The following NFKB1 variants were observed in gnomAD, a reference collection of about 807,000 sequenced individuals.
NFKB1 encodes the protein nuclear factor kappa B subunit 1.
NFKB1 carries 9 observed loss-of-function variants against 105.1 expected under a neutral mutation model. The ratio of observed to expected loss-of-function variants is 0.09; its 90% CI spans 0.05 to 0.15. NFKB1 has a LOEUF of 0.15. Among genes scored for constraint, NFKB1 ranks in the 10% least tolerant of loss-of-function variants. NFKB1 has a pLI of 1.00. For missense variants in NFKB1, 830 were observed against 1,203.7 expected (o/e 0.69, Z 4.59); for synonymous variants, 440 against 442.2 (o/e 1.00, Z 0.06).
chr4:102,594,606 A>G (rs138351077), intron 12 of NFKB1, among the ~76,000 whole-genome samples: 3 of 152,258 alleles, frequency 2.0e-5, no homozygotes, highest in Admixed American at 6.5e-5. Flanking sequence ...GACCCTCACT[A>G]TTAGCCTCTC....
At chr4:102,570,052 T>G (rs915012454) in intron 6 of NFKB1, among the ~76,000 whole-genome samples, 8 of 152,182 alleles carry the variant, frequency 5.3e-5, no homozygotes, top group Admixed American at 1.3e-4. Flanking sequence ...ATGGAAAATA[T>G]CTGTGTTCCT....
In NFKB1 at chr4:102,578,869, G is replaced by T; in HGVS notation, c.572-12G>T. The T allele has an allele frequency of 1.9e-6, 3 of 1,613,920 alleles. No homozygotes were observed. The highest frequency in any genetic ancestry group is 2.5e-6 in the Non-Finnish European group (3 of 1,179,852). ...TCCCTGGGCATGAATGGACTGTGCT[G>T]TATGGCCCTAGATCGGGAAAAAGAG... On this transcript the variant is annotated splice_polypyrimidine_tract_variant and intron_variant, in intron 7 of 23. Coordinates refer to ENST00000226574, the MANE Select transcript of NFKB1 (RefSeq NM_003998.4).
chr4:102,573,299 A>G (rs977937388), intron 6 of NFKB1, among the ~76,000 whole-genome samples: 1 of 151,818 alleles, frequency 6.6e-6, no homozygotes, highest in Admixed American at 6.6e-5. Context: ...CAAGAAAGAA[A>G]CTCCGTCTCA....
At chr4:102,539,449 T>C (rs913058272) in intron 5 of NFKB1, among the ~76,000 whole-genome samples, 6 of 152,132 alleles carry the variant, frequency 3.9e-5, no homozygotes, top group African/African-American at 1.2e-4. Flanking sequence ...CTAGTCATAG[T>C]TGCATTTTAA....
At chr4:102,537,749 C>T in intron 4 of NFKB1, 109 bp from the exon 5 acceptor site, 4 of 555,094 alleles carry the variant, frequency 7.2e-6, no homozygotes, top group South Asian at 5.4e-5. Flanking sequence ...TCATGTTTTT[C>T]TTCTCTCATT....
At position 102,579,057 on chromosome 4, in the gene NFKB1, A is replaced by T; in HGVS notation, c.730+18A>T. ...TGACAGTAGTGAGTACTTCACTTCC[A>T]ACAGGGGGCACACCAAGAATAGACT... is the stretch of plus-strand genomic sequence containing the variant. On this transcript the variant is annotated intron_variant, in intron 8 of 23. Coordinates refer to ENST00000226574, the MANE Select transcript of NFKB1 (RefSeq NM_003998.4). 1 of 1,606,756 alleles carries T rather than the reference A, an allele frequency of 6.2e-7. No homozygotes were observed. Among genetic ancestry groups the T allele is most frequent in the African/African-American group, 1.3e-5 (1 of 74,912 alleles).
At chr4:102,551,546 T>TTC (rs1200772526) in intron 5 of NFKB1, among the ~76,000 whole-genome samples, 1 of 152,120 alleles carries the variant, frequency 6.6e-6, no homozygotes, top group African/African-American at 2.4e-5. Context: ...TCAGTCACCG[T>TTC]AAGAAGAACG....
intron 1 of NFKB1, among the ~76,000 whole-genome samples, chr4:102,507,502 C>T (rs909553611): frequency 2.7e-5 from 4 of 150,476 alleles, no homozygotes; most frequent in Admixed American, 6.6e-5. Context: ...GGATTTTGCT[C>T]TGTTGGCCAG....
In NFKB1 at chr4:102,582,725, A is replaced by T. The variant is rs4648032; in HGVS notation, c.836-141A>T. On this transcript the variant is annotated intron_variant, in intron 9 of 23. Transcript: ENST00000226574. ...AAGTCAGTGATTTGTGAAGATTTTA[A>T]AAGACTGAACCTTTTGATCTTGTTT... 1.0e-3 allele frequency: 523 copies of T among 505,500 alleles called. 3 individuals are homozygous for T. The highest frequency in any genetic ancestry group is 9.2e-3 in the African/African-American group (475 of 51,780). The allele number at this position is 505,500 out of a possible 1,614,324, so 31.3% of individuals were successfully genotyped here. A position where few individuals can be genotyped will look rare whatever the true frequency, so the allele number is the denominator to read the frequency against.
At chr4:102,611,960 G>C in intron 20 of NFKB1, 84 bp from the exon 21 acceptor site, 2 of 1,079,446 alleles carry the variant, frequency 1.9e-6, no homozygotes, top group Non-Finnish European at 2.8e-6. Flanking sequence ...AGGAGGACAT[G>C]CTGAGTTGTT....
At chr4:102,563,819 CTTTT>C (rs34134600) in intron 5 of NFKB1, among the ~76,000 whole-genome samples, 1 of 124,634 alleles carries the variant, frequency 8.0e-6, no homozygotes, top group Non-Finnish European at 1.6e-5. Context: ...AAGCTTAACT[CTTTT>C]TTTTTTTTTT....
In NFKB1 at chr4:102,601,029, A is replaced by AC; in HGVS notation, c.1752+20_1752+21insC. The stretch of plus-strand genomic sequence containing the variant: ...TACCAGGTAAGCAGAAATCTCAAGA[A>AC]AACAACTGAAGAAAAATCTGTAGTT... On this transcript the variant is annotated intron_variant, in intron 16 of 23. Transcript: ENST00000226574. 1 of 1,394,990 alleles carries AC rather than the reference A, an allele frequency of 7.2e-7. No individual in the cohort carries two copies. Among genetic ancestry groups the AC allele is most frequent in the Non-Finnish European group, 1.0e-6 (1 of 996,616 alleles). 86.4% of individuals were successfully genotyped at this position (1,394,990 alleles called of 1,614,324 possible).
At chr4:102,541,430 A>C (rs1389017261) in intron 5 of NFKB1, among the ~76,000 whole-genome samples, 1 of 152,232 alleles carries the variant, frequency 6.6e-6, no homozygotes, top group East Asian at 1.9e-4. Flanking sequence ...TTCTGTTAGA[A>C]TATCAGAGTT....
At chr4:102,591,419 C>CAAAAAAAA (rs59255093) in intron 11 of NFKB1, among the ~76,000 whole-genome samples, 1 of 101,772 alleles carries the variant, frequency 9.8e-6, no homozygotes, top group East Asian at 2.8e-4. Context: ...GACCCTGGCT[C>CAAAAAAAA]AAAAAAAAAA....
chr4:102,502,782 A>G (rs796933338), intron 1 of NFKB1, among the ~76,000 whole-genome samples: 66 of 152,356 alleles, frequency 4.3e-4, no homozygotes, highest in African/African-American at 1.6e-3. Context: ...ATTACAGTTT[A>G]TGAAATAACC....
chr4:102,565,839 A>T (rs1374709893), intron 5 of NFKB1, among the ~76,000 whole-genome samples: 2 of 152,116 alleles, frequency 1.3e-5, no homozygotes, highest in Non-Finnish European at 2.9e-5. Context: ...GGCTTAGGTT[A>T]TTCAGTTCTT....
At chr4:102,545,541 C>G (rs1460382022) in intron 5 of NFKB1, among the ~76,000 whole-genome samples, 1 of 151,818 alleles carries the variant, frequency 6.6e-6, no homozygotes, top group Non-Finnish European at 1.5e-5. Flanking sequence ...GAGATGGAGC[C>G]CAAGATTTCA....
Position 102,601,120 on chromosome 4 carries a change from A to T in NFKB1, c.1752+111A>T, listed in dbSNP as rs369267373. On this transcript the variant is annotated intron_variant, in intron 16 of 23. Coordinates refer to ENST00000226574, the MANE Select transcript of NFKB1 (RefSeq NM_003998.4). ...GTAATGTTAACAGTAGCAAAAACAA[A>T]AACAAACCTTTGTAGGTAATATCTA... 5.3e-4 allele frequency: 349 copies of T among 663,554 alleles called. 1 individual carries two copies. In the African/African-American group the frequency reaches 5.7e-3, roughly 11 times the overall value. The allele number at this position is 663,554 out of a possible 1,614,324, so 41.1% of individuals were successfully genotyped here.
intron 9 of NFKB1, among the ~76,000 whole-genome samples, chr4:102,581,051 T>C (rs1018438354): frequency 6.6e-6 from 1 of 152,226 alleles, no homozygotes; most frequent in Non-Finnish European, 1.5e-5. Flanking sequence ...TGCTTTGATA[T>C]AACACTGAGA....
Sources: gnomAD v4.1 joint callset for allele counts (sites outside exome capture counted in the v4.1 genomes callset) on GRCh38, gnomAD v4.1.1 for gene constraint, MANE v1.5 for transcripts, NCBI Gene and HGNC (gene_info 2026-07-23, HGNC 2026-07-21) for gene names.